CYP19A1: variants seen among roughly 807,000 people sequenced by gnomAD.
The protein encoded by CYP19A1 is cytochrome P450 family 19 subfamily A member 1, also known as aromatase.
In CYP19A1, 32 loss-of-function variants were observed where a neutral mutation model predicts 44.4. The ratio of observed to expected loss-of-function variants is 0.72; its 90% confidence interval spans 0.54 to 0.97. The LOEUF (loss-of-function observed/expected upper bound fraction) is 0.97, where lower values mean the gene tolerates loss of function less well. Among genes scored for constraint, CYP19A1 ranks in the 50% least tolerant of loss-of-function variants. The pLI is 0.00. For synonymous variants in CYP19A1, 212 were observed against 215.6 expected, an observed-to-expected ratio of 0.98 and a Z score of 0.14; for missense variants, 598 against 637.8, an observed-to-expected ratio of 0.94 and a Z score of 0.67.
intron 7 of CYP19A1, 130 bp from the exon 8 acceptor site, chr15:51,215,362 A>G: frequency 7.1e-7 from 1 of 1,401,196 alleles, no homozygotes; most frequent in Non-Finnish European, 9.9e-7. Context: ...TCTGTGATTG[A>G]CTGTGGACAT....
intron 1 of CYP19A1, among the ~76,000 whole-genome samples, chr15:51,332,234 C>G (rs558226718): frequency 4.6e-4 from 70 of 152,196 alleles, no homozygotes; most frequent in African/African-American, 1.7e-3. Flanking sequence ...CACTGGTAGT[C>G]AAACTCATTC....
At chr15:51,297,163 G>A (rs1595767516) in intron 1 of CYP19A1, among the ~76,000 whole-genome samples, 1 of 152,176 alleles carries the variant, frequency 6.6e-6, no homozygotes, top group African/African-American at 2.4e-5. Flanking sequence ...AGACCTGGAA[G>A]AACTTGAGAA....
intron 1 of CYP19A1, among the ~76,000 whole-genome samples, chr15:51,295,917 A>G (rs957030777): frequency 1.3e-5 from 2 of 152,182 alleles, no homozygotes; most frequent in African/African-American, 4.8e-5. Context: ...AAGGCAGACA[A>G]AAAGAATGTT....
At chr15:51,329,894 A>C (rs1227815032) in intron 1 of CYP19A1, among the ~76,000 whole-genome samples, 2 of 152,232 alleles carry the variant, frequency 1.3e-5, no homozygotes, top group Non-Finnish European at 2.9e-5. Context: ...AAATGACCAG[A>C]TATACACCAG....
intron 7 of CYP19A1, 45 bp from the exon 8 acceptor site, chr15:51,215,277 G>A (rs2031457626): frequency 6.2e-7 from 1 of 1,612,816 alleles, no homozygotes; most frequent in Non-Finnish European, 8.5e-7. Context: ...GTGAATCAAA[G>A]TTTCAAAAAA....
chr15:51,333,000 G>C (rs2036724848), intron 1 of CYP19A1, among the ~76,000 whole-genome samples: 1 of 152,144 alleles, frequency 6.6e-6, no homozygotes, highest in Non-Finnish European at 1.5e-5. Context: ...CTTAACTTGG[G>C]AAATTTACTT....
intron 1 of CYP19A1, among the ~76,000 whole-genome samples, chr15:51,330,509 A>T (rs1049774187): frequency 6.6e-6 from 1 of 152,228 alleles, no homozygotes. Context: ...TCTGTCGTAC[A>T]TGGAGTTACA....
At chr15:51,229,129 C>T (rs1403332487) in intron 3 of CYP19A1, among the ~76,000 whole-genome samples, 2 of 152,164 alleles carry the variant, frequency 1.3e-5, no homozygotes, top group Non-Finnish European at 2.9e-5. Context: ...TAATCCAGCT[C>T]TCACATCTGC....
At chr15:51,281,772 A>G (rs987466721) in intron 1 of CYP19A1, among the ~76,000 whole-genome samples, 1 of 152,170 alleles carries the variant, frequency 6.6e-6, no homozygotes, top group Non-Finnish European at 1.5e-5. Flanking sequence ...GCTCAGAAGA[A>G]ATTTCCTCAG....
intron 1 of CYP19A1, among the ~76,000 whole-genome samples, chr15:51,287,568 C>A (rs1318364291): frequency 6.6e-6 from 1 of 152,226 alleles, no homozygotes; most frequent in Non-Finnish European, 1.5e-5. Context: ...GCAGCCTCTC[C>A]CATGCAGGCT....
At chr15:51,282,639 G>T (rs1355510407) in intron 1 of CYP19A1, among the ~76,000 whole-genome samples, 1 of 152,144 alleles carries the variant, frequency 6.6e-6, no homozygotes, top group Non-Finnish European at 1.5e-5. Flanking sequence ...CTTTGACTCT[G>T]CCAGACTTCG....
At chr15:51,306,152 G>T (rs1443584031) in intron 1 of CYP19A1, among the ~76,000 whole-genome samples, 1 of 152,184 alleles carries the variant, frequency 6.6e-6, no homozygotes, top group Non-Finnish European at 1.5e-5. Flanking sequence ...CAGGTGACTG[G>T]TGCTGGATAT....
At chr15:51,294,375 G>T (rs2035927661) in intron 1 of CYP19A1, among the ~76,000 whole-genome samples, 1 of 151,126 alleles carries the variant, frequency 6.6e-6, no homozygotes, top group African/African-American at 2.4e-5. Context: ...ACCCCATCTG[G>T]GAGGTGAGGA....
intron 1 of CYP19A1, among the ~76,000 whole-genome samples, chr15:51,276,224 A>G (rs1454062140): frequency 6.6e-6 from 1 of 152,220 alleles, no homozygotes; most frequent in Non-Finnish European, 1.5e-5. Context: ...AGAGTATTTC[A>G]TAGTCTATCT....
chr15:51,313,401 G>A (rs902473237), intron 1 of CYP19A1, among the ~76,000 whole-genome samples: 2 of 152,160 alleles, frequency 1.3e-5, no homozygotes. Context: ...TGAACCTTAG[G>A]AGCCATGTTC....
intron 1 of CYP19A1, among the ~76,000 whole-genome samples, chr15:51,257,402 G>A (rs1008805): frequency 0.64 from 96,755 of 152,064 alleles, 31,896 homozygotes; most frequent in African/African-American, 0.81. Context: ...GGGGCAGGAC[G>A]CAGGAAGGTG....
At chr15:51,241,802 G>A (rs1285209539) in intron 2 of CYP19A1, among the ~76,000 whole-genome samples, 4 of 152,164 alleles carry the variant, frequency 2.6e-5, no homozygotes, top group African/African-American at 9.6e-5. Context: ...ATCAGGCAGA[G>A]AGACAGGCAA....
intron 1 of CYP19A1, among the ~76,000 whole-genome samples, chr15:51,290,665 A>G (rs2035821905): frequency 1.3e-5 from 2 of 152,206 alleles, no homozygotes; most frequent in African/African-American, 4.8e-5. Context: ...GCCTAAAGCC[A>G]GGGAAGAGAA....
At chr15:51,260,148 G>C (rs919751800) in intron 1 of CYP19A1, among the ~76,000 whole-genome samples, 1 of 152,162 alleles carries the variant, frequency 6.6e-6, no homozygotes, top group Non-Finnish European at 1.5e-5. Context: ...GAATCACTAG[G>C]ATTTTGCTGA....
Sources: gnomAD v4.1 joint callset for allele counts (sites outside exome capture counted in the v4.1 genomes callset) on GRCh38, gnomAD v4.1.1 for gene constraint, MANE v1.5 for transcripts, NCBI Gene and HGNC (gene_info 2026-07-23, HGNC 2026-07-21) for gene names.